Variants in BBC3 observed in about 807,000 individuals in gnomAD.
The protein encoded by BBC3 is bcl-2-binding component 3.
A neutral mutation model predicts 18.2 loss-of-function variants in BBC3; 5 were observed. The ratio of observed to expected loss-of-function variants is 0.27; its 90% CI spans 0.14 to 0.58. The LOEUF is 0.58. Ranked by LOEUF, BBC3 falls within the 20% of genes least tolerant of loss-of-function variation. The pLI, the probability that BBC3 is intolerant of heterozygous loss-of-function variation, is 0.91. For synonymous variants in BBC3, 119 were observed against 128.0 expected, an observed-to-expected ratio of 0.93 and a Z score of 0.47; for missense variants, 224 against 268.9, an observed-to-expected ratio of 0.83 and a Z score of 1.17.
upstream of BBC3, chr19:47,231,357 CCCTA>C (rs1210514071): frequency 3.3e-6 from 1 of 303,200 alleles, no homozygotes; most frequent in African/African-American, 2.3e-5. The surrounding 1 kb of genome is among the most constrained non-coding windows in gnomAD (Gnocchi z 4.0). Context: ...CCGCGCCCCC[CCCTA>C]CCTCCGCGCC....
chr19:47,221,771 T>A lies in BBC3; in HGVS notation c.*31A>T. The A allele has an allele frequency of 6.2e-7, 1 of 1,606,938 alleles. No homozygotes were observed. The highest frequency in any genetic ancestry group is 8.5e-7 in the Non-Finnish European group (1 of 1,177,980). The stretch of plus-strand genomic sequence containing the variant: ...AGGTGGGAGGGGCCTGCCCCCCGAG[T>A]CCCTGACGTCCACCGGGCGGGTGCA... On this transcript the variant is annotated 3_prime_UTR_variant, in exon 4 of 4. Transcript: ENST00000439096.
intron 2 of BBC3, chr19:47,227,027 G>A (rs1212582118): frequency 5.6e-6 from 2 of 357,488 alleles, no homozygotes; most frequent in Non-Finnish European, 1.0e-5. Context: ...CCCGGGGGTG[G>A]TCAGGCTTAA....
chr19:47,226,767 G>C lies in BBC3; in HGVS notation c.275-13C>G, dbSNP rs2058830508. The stretch of plus-strand genomic sequence containing the variant: ...GAGGGCTGAGGACCTTGGAGAGGCA[G>C]AGGGGCGCGGTCAGCACCCACCACC... On this transcript the variant is annotated splice_polypyrimidine_tract_variant and intron_variant, in intron 2 of 3. Transcript: ENST00000439096. 1 of 1,385,916 alleles carries C rather than the reference G, an allele frequency of 7.2e-7. No individual in the cohort carries two copies. The highest frequency in any genetic ancestry group is 1.5e-5 in the African/African-American group (1 of 65,310). The allele number at this position is 1,385,916 out of a possible 1,614,324, so 85.9% of individuals were successfully genotyped here.
chr19:47,221,962 A>G, intron 3 of BBC3, 44 bp from the exon 4 acceptor site: 1 of 1,531,718 alleles, frequency 6.5e-7, no homozygotes, highest in Non-Finnish European at 8.9e-7. Context: ...GGGACTGAGT[A>G]TGGTGATGGG....
chr19:47,221,435 T>C lies in BBC3; in HGVS notation c.*367A>G, dbSNP rs2862236. 98,740 of 151,114 alleles carry C rather than the reference T, an allele frequency of 0.65. 37,405 individuals carry two copies. Among genetic ancestry groups the C allele is most frequent in the African/African-American group, 0.92 (26,272 of 28,680 alleles). The allele number at this position is 151,114 out of a possible 1,614,324, so 9.4% of individuals were successfully genotyped here. A position where few individuals can be genotyped will look rare whatever the true frequency, so the allele number is the denominator to read the frequency against. On this transcript the variant is annotated 3_prime_UTR_variant, in exon 4 of 4. Transcript: ENST00000439096. ...GAGCACCGAGAGGAGAGCCCCCCCCTCCCAGTGTCACCCCTGCAGCTGGAA... is the reference window on the plus strand; with the variant it reads ...GAGCACCGAGAGGAGAGCCCCCCCCCCCCAGTGTCACCCCTGCAGCTGGAA...
chr19:47,226,519 C>A, intron 3 of BBC3, 45 bp downstream of exon 3: 1 of 1,483,774 alleles, frequency 6.7e-7, no homozygotes, highest in Middle Eastern at 1.8e-4. Context: ...GCCCCCTCCT[C>A]CGGCGGAAGT....
upstream of BBC3, chr19:47,232,537 C>T (rs1299922335): frequency 5.8e-6 from 9 of 1,548,734 alleles, no homozygotes; most frequent in South Asian, 3.6e-5. Context: ...AGGGGACCCA[C>T]GTCGTGGAAG....
In BBC3 at chr19:47,221,878, C is replaced by T. The variant is rs1168192863; in HGVS notation, c.506G>A (p.Arg169Lys). Residue 169 changes from arginine (R) to lysine (K), a missense_variant, in exon 4 of 4, where the codon AGG becomes AAG. Transcript: ENST00000439096. The part of the protein sequence containing the change: ...EQQRHRPSPW[R>K]VLYNLIMGLL... ...TCCCATGATGAGATTGTACAGGACC[C>T]TCCAGGGTGAGGGGCGGTGCCGCTG... 1 of 1,611,386 alleles carries T rather than the reference C, an allele frequency of 6.2e-7. No individual in the cohort carries two copies. Among genetic ancestry groups the T allele is most frequent in the Non-Finnish European group, 8.5e-7 (1 of 1,178,998 alleles).
At chr19:47,225,563 GC>G (rs1412020060) in intron 3 of BBC3, among the ~76,000 whole-genome samples, 1 of 151,768 alleles carries the variant, frequency 6.6e-6, no homozygotes, top group African/African-American at 2.4e-5. Flanking sequence ...TCATTATGTG[GC>G]CCAGGCTGGT....
At chr19:47,224,729 CT>C (rs920484758) in intron 3 of BBC3, among the ~76,000 whole-genome samples, 2,921 of 135,820 alleles carry the variant, frequency 0.022, 34 homozygotes, top group African/African-American at 0.058. Flanking sequence ...GTGAAAATGA[CT>C]TTTTTTTTTT....
rs1050113127 is a variant in BBC3 at position 47,228,081 on chromosome 19, A to G, written c.274+77T>C. On this transcript the variant is annotated intron_variant, in intron 2 of 3. Transcript: ENST00000439096. The surrounding 1 kb of genome is among the most constrained non-coding windows in gnomAD (Gnocchi z 5.5). ...CCGCCACCTCCCCCCGTCCTCTCCC[A>G]CTTCTCCAGTTCCTCCGAGTCTCCA... 1.8e-6 allele frequency: 2 copies of G among 1,131,440 alleles called. No individual in the cohort carries two copies. Among genetic ancestry groups the G allele is most frequent in the Non-Finnish European group, 2.2e-6 (2 of 902,932 alleles). 70.1% of individuals were successfully genotyped at this position (1,131,440 alleles called of 1,614,324 possible).
rs1488040997 is a variant in BBC3, at chr19:47,221,595, G to A, written c.*207C>T. 10 of 1,068,820 alleles carry A rather than the reference G, an allele frequency of 9.4e-6. No homozygotes were observed. The Admixed American group carries it at 1.5e-4, about 16-fold the overall frequency. 66.2% of individuals were successfully genotyped at this position (1,068,820 alleles called of 1,614,324 possible). A position where few individuals can be genotyped will look rare whatever the true frequency, so the allele number is the denominator to read the frequency against. ...CGTCCCTCTCCTGGCTTCTTGGCCAGGGACCCAGGAGTCCGCATCTCCGTC... is the reference window on the plus strand; with the variant it reads ...CGTCCCTCTCCTGGCTTCTTGGCCAAGGACCCAGGAGTCCGCATCTCCGTC... On this transcript the variant is annotated 3_prime_UTR_variant, in exon 4 of 4. Coordinates refer to ENST00000439096, the MANE Select transcript of BBC3 (RefSeq NM_014417.5).
Position 47,230,305 on chromosome 19 carries a change from A to T in BBC3, c.-16+624T>A, listed in dbSNP as rs886218571. On this transcript the variant is annotated intron_variant, in intron 1 of 3. Coordinates refer to ENST00000439096, the MANE Select transcript of BBC3 (RefSeq NM_014417.5). The surrounding 1 kb of genome is among the most constrained non-coding windows in gnomAD (Gnocchi z 6.7). Reference sequence around the variant, plus strand: ...GAACCCAGCACAAACTCGGAGCCAGACACGCGCACACACCCAGGCGAGACA... The same window carrying T: ...GAACCCAGCACAAACTCGGAGCCAGTCACGCGCACACACCCAGGCGAGACA... 6.6e-6 allele frequency among the ~76,000 whole-genome samples: 1 copy of T among 152,008 alleles called. No individual in the cohort carries two copies. Among genetic ancestry groups the T allele is most frequent in the African/African-American group, 2.4e-5 (1 of 41,398 alleles).
At chr19:47,226,959 GC>G (rs2058834781) in intron 2 of BBC3, 1 of 444,124 alleles carries the variant, frequency 2.3e-6, no homozygotes, top group Admixed American at 4.3e-5. Flanking sequence ...CACCTGTCTG[GC>G]CAGCTACGTC....
intron 3 of BBC3, 139 bp from the exon 4 acceptor site, chr19:47,222,057 C>G: frequency 1.4e-6 from 1 of 730,332 alleles, no homozygotes; most frequent in Non-Finnish European, 2.1e-6. Flanking sequence ...GGCTAATGTC[C>G]ATGTCTCGGA....
rs1175653556 is a variant in BBC3 at position 47,230,686 on chromosome 19, A to C, written c.-16+243T>G. 28 of 975,584 alleles carry C rather than the reference A, an allele frequency of 2.9e-5. No individual in the cohort carries two copies. Among genetic ancestry groups the C allele is most frequent in the Non-Finnish European group, 3.4e-5 (28 of 821,368 alleles). The allele number at this position is 975,584 out of a possible 1,614,324, so 60.4% of individuals were successfully genotyped here. ...GGGGGCGCTGCCGAGCCCGCACCCC[A>C]TTGTTTGTAAACAAACCCGCCAGAC... On this transcript the variant is annotated intron_variant, in intron 1 of 3. Transcript: ENST00000439096. The surrounding 1 kb of genome is among the most constrained non-coding windows in gnomAD (Gnocchi z 6.7).
upstream of BBC3, chr19:47,232,522 C>G: frequency 6.5e-7 from 1 of 1,548,716 alleles, no homozygotes; most frequent in Admixed American, 2.0e-5. Flanking sequence ...CACCACAAAT[C>G]TGGCAGGGGA....
Position 47,221,596 on chromosome 19 carries a change from G to A in BBC3, c.*206C>T. On this transcript the variant is annotated 3_prime_UTR_variant, in exon 4 of 4. Coordinates refer to ENST00000439096, the MANE Select transcript of BBC3 (RefSeq NM_014417.5). Reference sequence around the variant, plus strand: ...GTCCCTCTCCTGGCTTCTTGGCCAGGGACCCAGGAGTCCGCATCTCCGTCA... The same window carrying A: ...GTCCCTCTCCTGGCTTCTTGGCCAGAGACCCAGGAGTCCGCATCTCCGTCA... The A allele has an allele frequency of 9.3e-7, 1 of 1,074,472 alleles. No homozygotes were observed. 66.6% of individuals were successfully genotyped at this position (1,074,472 alleles called of 1,614,324 possible).
chr19:47,227,403 G>A (rs1202860488), intron 2 of BBC3, among the ~76,000 whole-genome samples: 1 of 142,510 alleles, frequency 7.0e-6, no homozygotes, highest in African/African-American at 2.6e-5. Context: ...AAGGCCTACA[G>A]CCAGGGCCTC....
Sources: allele counts gnomAD v4.1 joint callset (sites outside exome capture counted in the v4.1 genomes callset), GRCh38; gene constraint gnomAD v4.1.1; non-coding constraint Gnocchi (gnomAD v3.1); transcripts MANE v1.5; gene names NCBI Gene and HGNC (gene_info 2026-07-23, HGNC 2026-07-21).